Variants in ELAPOR2 observed in about 807,000 individuals in gnomAD.
The protein encoded by ELAPOR2 is endosome-lysosome associated apoptosis and autophagy regulator family member 2.
ELAPOR2 carries 89 observed loss-of-function variants against 120.7 expected under a neutral mutation model. The ratio of observed to expected loss-of-function variants is 0.74; its 90% CI spans 0.62 to 0.88. ELAPOR2 has a LOEUF of 0.88. ELAPOR2 is among the 40% of genes least tolerant of loss of function. The pLI, the probability that ELAPOR2 is intolerant of heterozygous loss-of-function variation, is 0.00. For synonymous variants in ELAPOR2, 444 were observed against 444.9 expected (o/e 1.00, Z 0.03); for missense variants, 1,134 against 1,251.6 (o/e 0.91, Z 1.42).
At chr7:86,985,458 C>T (rs946401823) in intron 1 of ELAPOR2, among the ~76,000 whole-genome samples, 7 of 152,114 alleles carry the variant, frequency 4.6e-5, no homozygotes, top group South Asian at 2.1e-4. Flanking sequence ...ACTGGCAAAC[C>T]GAATCCAGCA....
intron 21 of ELAPOR2, among the ~76,000 whole-genome samples, chr7:86,882,959 T>C (rs1195963346): frequency 2.0e-5 from 3 of 151,720 alleles, no homozygotes; most frequent in African/African-American, 7.3e-5. Flanking sequence ...CTGCACTCCC[T>C]TCTCCCCAAT....
rs374775274 is a variant in ELAPOR2, at chr7:86,916,020, T to G, written c.1594-1160A>C. ...TACATTTGTGAAGCACTACATGATA[T>G]TCAAAGCATTTTATATATTATTTGG... On this transcript the variant is annotated intron_variant, in intron 12 of 21. Transcript: ENST00000450689. Among the ~76,000 whole-genome samples the G allele has an allele frequency of 2.1e-4, 32 of 152,280 alleles. No individual in the cohort carries two copies. The East Asian group carries it at 3.3e-3, about 16-fold the overall frequency.
chr7:86,932,927 G>C (rs1790392887), intron 8 of ELAPOR2, among the ~76,000 whole-genome samples: 1 of 150,372 alleles, frequency 6.7e-6, no homozygotes, highest in South Asian at 2.1e-4. Flanking sequence ...GAGTCTTTCT[G>C]AATCTTAATT....
intron 5 of ELAPOR2, among the ~76,000 whole-genome samples, chr7:86,940,705 T>C (rs1790764495): frequency 6.6e-6 from 1 of 152,060 alleles, no homozygotes. Flanking sequence ...AAACTAATTT[T>C]CTCATAAATT....
intron 18 of ELAPOR2, 52 bp from the exon 19 acceptor site, chr7:86,897,684 T>A: frequency 6.2e-7 from 1 of 1,604,168 alleles, no homozygotes. Context: ...TTTTAACCCA[T>A]TCAATCCACT....
In ELAPOR2 at chr7:87,035,886, T is replaced by A. The variant is rs1010851919; in HGVS notation, c.189+23439A>T. Reference sequence around the variant, plus strand: ...TCTAGCCTTTTGAAATCATTTTGAATCCCAATTCTGTTTTCCAACTCATTA... The same window carrying A: ...TCTAGCCTTTTGAAATCATTTTGAAACCCAATTCTGTTTTCCAACTCATTA... On this transcript the variant is annotated intron_variant, in intron 1 of 21. Transcript: ENST00000450689. 7.9e-5 allele frequency among the ~76,000 whole-genome samples: 12 copies of A among 152,390 alleles called. 1 individual carries two copies. The highest frequency in any genetic ancestry group is 3.4e-3 in the Middle Eastern group (1 of 294).
At chr7:86,990,270 G>C (rs1019506990) in intron 1 of ELAPOR2, among the ~76,000 whole-genome samples, 1 of 151,958 alleles carries the variant, frequency 6.6e-6, no homozygotes, top group Non-Finnish European at 1.5e-5. Flanking sequence ...GGATGGTCTC[G>C]ATCTCCCGAC....
intron 1 of ELAPOR2, among the ~76,000 whole-genome samples, chr7:87,021,279 A>G (rs1794033288): frequency 6.6e-6 from 1 of 152,188 alleles, no homozygotes; most frequent in African/African-American, 2.4e-5. Flanking sequence ...GACAAGACAT[A>G]CATAATCTTG....
At chr7:87,029,878 C>T (rs1794371848) in intron 1 of ELAPOR2, among the ~76,000 whole-genome samples, 2 of 151,956 alleles carry the variant, frequency 1.3e-5, no homozygotes, top group South Asian at 4.2e-4. Flanking sequence ...CAATGAGTGA[C>T]ACAACATTAC....
intron 18 of ELAPOR2, among the ~76,000 whole-genome samples, chr7:86,898,406 A>G (rs555855142): frequency 6.6e-6 from 1 of 152,192 alleles, no homozygotes; most frequent in South Asian, 2.1e-4. Context: ...GGTGTTGAAA[A>G]TCTTCTAAAA....
chr7:86,893,431 A>T (rs1478572734), intron 19 of ELAPOR2, among the ~76,000 whole-genome samples: 1 of 152,022 alleles, frequency 6.6e-6, no homozygotes, highest in Non-Finnish European at 1.5e-5. Context: ...CCATCTGGAC[A>T]TACCTTCTGG....
chr7:87,008,965 GA>G (rs1356057488), intron 1 of ELAPOR2, among the ~76,000 whole-genome samples: 1 of 152,070 alleles, frequency 6.6e-6, no homozygotes, highest in Non-Finnish European at 1.5e-5. Context: ...TTCATAAGTG[GA>G]AAACAATACA....
At chr7:87,042,346 A>G (rs1794814240) in intron 1 of ELAPOR2, among the ~76,000 whole-genome samples, 1 of 149,854 alleles carries the variant, frequency 6.7e-6, no homozygotes, top group African/African-American at 2.5e-5. Context: ...TCCAAAATTG[A>G]CCACATACTT....
rs909002432 is a variant in ELAPOR2, at chr7:86,909,039, CT to C, written c.2360-497del. Among the ~76,000 whole-genome samples the C allele has an allele frequency of 5.3e-3, 812 of 151,888 alleles. 10 individuals carry two copies. The highest frequency in any genetic ancestry group is 0.019 in the African/African-American group (767 of 41,430). ...TAATCTAGTAAGCAGAAAACTAAGG[CT>C]TTTTTTCCCTGCCTCTTGTAAGCAA... On this transcript the variant is annotated intron_variant, in intron 16 of 21. Coordinates refer to ENST00000450689, the MANE Select transcript of ELAPOR2 (RefSeq NM_001142749.3).
chr7:86,985,458 C>G (rs946401823), intron 1 of ELAPOR2, among the ~76,000 whole-genome samples: 10 of 152,116 alleles, frequency 6.6e-5, no homozygotes, highest in Non-Finnish European at 1.0e-4. Context: ...ACTGGCAAAC[C>G]GAATCCAGCA....
chr7:86,975,334 G>A (rs1254880810), intron 1 of ELAPOR2, among the ~76,000 whole-genome samples: 1 of 152,118 alleles, frequency 6.6e-6, no homozygotes, highest in Non-Finnish European at 1.5e-5. Flanking sequence ...CCAAAATTAT[G>A]TTTTTGTTTG....
At chr7:87,014,563 A>G (rs1435446755) in intron 1 of ELAPOR2, among the ~76,000 whole-genome samples, 1 of 152,234 alleles carries the variant, frequency 6.6e-6, no homozygotes, top group Non-Finnish European at 1.5e-5. Context: ...CTCTATCAAT[A>G]AACACAATCA....
intron 1 of ELAPOR2, among the ~76,000 whole-genome samples, chr7:87,055,553 C>T (rs1795235859): frequency 6.6e-6 from 1 of 152,074 alleles, no homozygotes; most frequent in Admixed American, 6.6e-5. Flanking sequence ...CTGTGCTCTT[C>T]ACCTGAAATG....
chr7:86,891,957 T>C, intron 20 of ELAPOR2, 68 bp from the exon 21 acceptor site: 2 of 1,015,074 alleles, frequency 2.0e-6, no homozygotes, highest in South Asian at 3.8e-5. Context: ...ATACTTATTT[T>C]AGGTGGTAAT....
Sources: allele counts gnomAD v4.1 joint callset (sites outside exome capture counted in the v4.1 genomes callset), GRCh38; gene constraint gnomAD v4.1.1; transcripts MANE v1.5; gene names NCBI Gene and HGNC (gene_info 2026-07-23, HGNC 2026-07-21).